Variants in SERPING1 observed in about 807,000 individuals in gnomAD.
The protein encoded by SERPING1 is plasma protease C1 inhibitor.
Under a neutral mutation model 34.1 loss-of-function variants are expected in SERPING1, and 5 were observed. That is an observed-to-expected ratio of 0.15 (90% CI 0.08 to 0.31). The LOEUF (loss-of-function observed/expected upper bound fraction) is 0.31, where lower values mean the gene tolerates loss of function less well. SERPING1 is among the 10% of genes least tolerant of loss of function. The pLI is 1.00. For synonymous variants in SERPING1, 225 were observed against 242.4 expected (o/e 0.93, Z 0.67); for missense variants, 505 against 609.5 (o/e 0.83, Z 1.81).
chr11:57,606,120 G>A lies in SERPING1; in HGVS notation c.796G>A (p.Val266Met). The A allele has an allele frequency of 6.2e-7, 1 of 1,614,130 alleles. No individual in the cohort carries two copies. Among genetic ancestry groups the A allele is most frequent in the South Asian group, 1.1e-5 (1 of 91,080 alleles). ...CAACTTGGAGCTCATCAACACCTGG[G>A]TGGCCAAGAACACCAACAACAAGAT... is the stretch of plus-strand genomic sequence containing the variant. ...DANLELINTW[V>M]AKNTNNKISR... The change falls in exon 5 of 8, where the codon GTG (valine) becomes ATG (methionine). Residue 266 changes from valine to methionine, a missense_variant. By Grantham distance (21) the Val-to-Met change is conservative. Coordinates refer to ENST00000278407, the MANE Select transcript of SERPING1 (RefSeq NM_000062.3).
chr11:57,597,787 A>AG (rs1245237376), intron 1 of SERPING1, 65 bp downstream of exon 1: 6 of 152,316 alleles, frequency 3.9e-5, no homozygotes, highest in Admixed American at 2.6e-4. Context: ...AGGTCTAGGG[A>AG]GGGGGTCTCC....
Position 57,600,350 on chromosome 11 carries a change from G to A in SERPING1, c.523G>A (p.Ala175Thr), listed in dbSNP as rs374218796. 5.0e-6 allele frequency: 8 copies of A among 1,612,410 alleles called. No individual in the cohort carries two copies. The highest frequency in any genetic ancestry group is 2.2e-5 in the East Asian group (1 of 44,882). ...CATGGCCTTTTCCCCATTCAGCATC[G>A]CCAGCCTCCTTACCCAGGTCCTGCT... ...TNMAFSPFSI[A>T]SLLTQVLLGA... The change falls in exon 3 of 8, where the codon GCC (alanine) becomes ACC (threonine). Residue 175 changes from alanine to threonine, a missense_variant. Coordinates refer to ENST00000278407, the MANE Select transcript of SERPING1 (RefSeq NM_000062.3).
rs369478961 is a variant in SERPING1, at chr11:57,602,019, C to G, written c.551-16C>G. 137 of 1,614,174 alleles carry G rather than the reference C, an allele frequency of 8.5e-5. No individual in the cohort carries two copies. The African/African-American group carries it at 1.6e-3, about 19-fold the overall frequency. ...CTCATCCTGCAAGTATCTTTCATCTCTGCCCTTTGTTGCAGGGGCTGGGGA... is the reference window on the plus strand; with the variant it reads ...CTCATCCTGCAAGTATCTTTCATCTGTGCCCTTTGTTGCAGGGGCTGGGGA... On this transcript the variant is annotated splice_polypyrimidine_tract_variant and intron_variant, in intron 3 of 7. Coordinates refer to ENST00000278407, the MANE Select transcript of SERPING1 (RefSeq NM_000062.3).
At chr11:57,598,082 A>C in intron 1 of SERPING1, 167 bp from the exon 2 acceptor site, 1 of 592,742 alleles carries the variant, frequency 1.7e-6, no homozygotes, top group Non-Finnish European at 3.0e-6. Context: ...TTTGGGGAAA[A>C]CAAAACAGAG....
chr11:57,607,576 C>A (rs916465383), intron 6 of SERPING1, among the ~76,000 whole-genome samples: 4 of 152,154 alleles, frequency 2.6e-5, no homozygotes, highest in African/African-American at 9.7e-5. Context: ...CATAGGTGCT[C>A]ATTCAGTGTT....
intron 2 of SERPING1, among the ~76,000 whole-genome samples, 179 bp downstream of exon 2, chr11:57,598,500 C>A (rs1004912803): frequency 6.6e-6 from 1 of 152,158 alleles, no homozygotes; most frequent in Non-Finnish European, 1.5e-5. Context: ...GAGCTCAGGA[C>A]TCAGACAGAT....
intron 1 of SERPING1, 118 bp from the exon 2 acceptor site, chr11:57,598,131 G>A (rs757716611): frequency 1.7e-5 from 12 of 702,658 alleles, no homozygotes; most frequent in Admixed American, 5.8e-5. Flanking sequence ...GAGGGAGGAG[G>A]AGGGAATTCG....
intron 6 of SERPING1, chr11:57,611,245 T>C (rs1008751873): frequency 5.0e-6 from 1 of 198,822 alleles, no homozygotes; most frequent in African/African-American, 2.3e-5. Flanking sequence ...GTCCTTCTAA[T>C]AGCAAAGTGG....
chr11:57,609,762 T>C (rs1156878109), intron 6 of SERPING1, among the ~76,000 whole-genome samples: 1 of 152,214 alleles, frequency 6.6e-6, no homozygotes, highest in Non-Finnish European at 1.5e-5. Flanking sequence ...CTTTTTTCTT[T>C]TATTTATTTA....
At chr11:57,602,712 G>A (rs562618484) in intron 4 of SERPING1, among the ~76,000 whole-genome samples, 12 of 146,878 alleles carry the variant, frequency 8.2e-5, no homozygotes, top group East Asian at 4.1e-4. Flanking sequence ...CCGAGATGAC[G>A]CCACTGCACT....
At chr11:57,606,929 G>A (rs1262481494) in intron 6 of SERPING1, 1 of 441,470 alleles carries the variant, frequency 2.3e-6, no homozygotes, top group Non-Finnish European at 4.4e-6. Context: ...GTGTAGACGT[G>A]TATAAGTATA....
At chr11:57,602,259 G>A in intron 4 of SERPING1, 90 bp downstream of exon 4, 1 of 1,469,550 alleles carries the variant, frequency 6.8e-7, no homozygotes. Context: ...AAAGGACAGA[G>A]GGAATGTTGG....
chr11:57,603,032 A>C (rs1296108011), intron 4 of SERPING1, among the ~76,000 whole-genome samples: 1 of 152,014 alleles, frequency 6.6e-6, no homozygotes, highest in Non-Finnish European at 1.5e-5. Flanking sequence ...CAGGAGTTCA[A>C]GACCAGCCTG....
At position 57,614,458 on chromosome 11, in the gene SERPING1, C is replaced by T. The variant is rs772014083; in HGVS notation, c.1380C>T (p.Ser460=). 59 of 1,613,988 alleles carry T rather than the reference C, an allele frequency of 3.7e-5. 1 individual carries two copies. Among genetic ancestry groups the T allele is most frequent in the Middle Eastern group, 3.3e-4 (2 of 6,084 alleles). ...CTGGGGTGGAGGCGGCTGCAGCCTC[C>T]GCCATCTCTGTGGCCCGCACCCTGC... ...TETGVEAAAA[S]AISVARTLLV... Residue 460 remains serine, a synonymous_variant, in exon 8 of 8, where the codon TCC becomes TCT. Transcript: ENST00000278407.
intron 3 of SERPING1, among the ~76,000 whole-genome samples, chr11:57,600,857 A>G (rs1945340155): frequency 2.0e-5 from 3 of 151,990 alleles, no homozygotes; most frequent in Non-Finnish European, 2.9e-5. Context: ...CAGCTGAGGC[A>G]GGAGAATCGC....
intron 4 of SERPING1, among the ~76,000 whole-genome samples, chr11:57,603,859 G>A (rs887369661): frequency 1.4e-5 from 2 of 142,836 alleles, no homozygotes; most frequent in African/African-American, 5.2e-5. Flanking sequence ...AAAAAAAATG[G>A]GGCGGGCGGG....
chr11:57,601,350 G>A (rs995438806), intron 3 of SERPING1, among the ~76,000 whole-genome samples: 2 of 149,234 alleles, frequency 1.3e-5, no homozygotes, highest in African/African-American at 2.5e-5. Context: ...GCAGTGAGCC[G>A]AAATCATGCC....
chr11:57,602,131 A>T lies in SERPING1; in HGVS notation c.647A>T (p.Lys216Ile), dbSNP rs376688019. 7 of 1,614,156 alleles carry T rather than the reference A, an allele frequency of 4.3e-6. No individual in the cohort carries two copies. In the East Asian group the frequency reaches 1.6e-4, roughly 36 times the overall value. Residue 216 changes from lysine to isoleucine, a missense_variant, in exon 4 of 8, where the codon AAA (lysine) becomes ATA (isoleucine). Lys to Ile is a moderately radical substitution (Grantham distance 102). Transcript: ENST00000278407. ...CAGGCCCTGAAGGGCTTCACGACCA[A>T]AGGTGTCACCTCAGTCTCTCAGATC... ...VHQALKGFTT[K>I]GVTSVSQIFH...
chr11:57,607,660 T>C (rs947986027), intron 6 of SERPING1, among the ~76,000 whole-genome samples: 1 of 152,070 alleles, frequency 6.6e-6, no homozygotes, highest in African/African-American at 2.4e-5. Context: ...GAAGACTTCA[T>C]AGAGGAGGGT....
Sources: allele counts gnomAD v4.1 joint callset (sites outside exome capture counted in the v4.1 genomes callset), GRCh38; gene constraint gnomAD v4.1.1; transcripts MANE v1.5; gene names NCBI Gene and HGNC (gene_info 2026-07-23, HGNC 2026-07-21).